Variants in UBE2E2 observed in about 807,000 individuals in gnomAD.
UBE2E2 encodes ubiquitin-conjugating enzyme E2 E2.
A neutral mutation model predicts 24.7 loss-of-function variants in UBE2E2; 6 were observed. The ratio of observed to expected loss-of-function variants is 0.24; its 90% CI spans 0.13 to 0.48. The LOEUF is 0.48. UBE2E2 is among the 20% of genes least tolerant of loss of function. The probability of loss-of-function intolerance (pLI) is 0.99; values close to 1 mark genes in which losing one functional copy is unlikely to be tolerated. For missense variants in UBE2E2, 169 were observed against 245.0 expected (o/e 0.69, Z 2.07); for synonymous variants, 104 against 83.6 (o/e 1.24, Z -1.33).
At chr3:23,492,643 T>A (rs897855616) in intron 3 of UBE2E2, among the ~76,000 whole-genome samples, 1 of 152,198 alleles carries the variant, frequency 6.6e-6, no homozygotes, top group African/African-American at 2.4e-5. Flanking sequence ...CCCCTTTGAC[T>A]TCTTCTAGTT....
At chr3:23,402,133 C>T (rs1004639537) in intron 3 of UBE2E2, among the ~76,000 whole-genome samples, 3 of 152,120 alleles carry the variant, frequency 2.0e-5, no homozygotes, top group Non-Finnish European at 1.5e-5. Context: ...GGATTACAGG[C>T]GTGAGCCACC....
chr3:23,476,549 A>G (rs778490), intron 3 of UBE2E2, among the ~76,000 whole-genome samples: 55,864 of 151,816 alleles, frequency 0.37, 10,981 homozygotes, highest in African/African-American at 0.49. Context: ...TTAAAAATTA[A>G]TGGGGTCTGG....
chr3:23,455,534 A>C (rs1179888268), intron 3 of UBE2E2, among the ~76,000 whole-genome samples: 1 of 152,068 alleles, frequency 6.6e-6, no homozygotes, highest in Non-Finnish European at 1.5e-5. Flanking sequence ...CCTGGTCAAC[A>C]TAATGAGACC....
In UBE2E2 at chr3:23,407,616, CAT is replaced by C. The variant is rs1458783499; in HGVS notation, c.228-91991_228-91990del. ...TTGTATGTTTGTTTTGGGAGGAGTGCATGTGTGTGTGTTTGTGTGTGCATGCG... is the reference window on the plus strand; with the variant it reads ...TTGTATGTTTGTTTTGGGAGGAGTGCGTGTGTGTGTTTGTGTGTGCATGCG... On this transcript the variant is annotated intron_variant, in intron 3 of 5. Transcript: ENST00000396703. The surrounding 1 kb of genome is among the most constrained non-coding windows in gnomAD (Gnocchi z 4.0). Among the ~76,000 whole-genome samples, 4 of 143,860 alleles carry C rather than the reference CAT, an allele frequency of 2.8e-5. No individual in the cohort carries two copies. The highest frequency in any genetic ancestry group is 5.2e-5 in the African/African-American group (2 of 38,458). 94.4% of individuals were successfully genotyped at this position (143,860 alleles called of 152,430 possible).
intron 3 of UBE2E2, among the ~76,000 whole-genome samples, chr3:23,325,221 T>G (rs999362565): frequency 4.6e-5 from 7 of 150,894 alleles, no homozygotes; most frequent in African/African-American, 1.7e-4. Context: ...CTATTGTGTG[T>G]TTTTTTTTCC....
intron 3 of UBE2E2, among the ~76,000 whole-genome samples, chr3:23,281,774 C>T (rs1698495240): frequency 6.6e-6 from 1 of 152,016 alleles, no homozygotes; most frequent in South Asian, 2.1e-4. Flanking sequence ...ATTTCATTCG[C>T]AGTAATATTA....
rs942715882 is a variant in UBE2E2, at chr3:23,590,737, C to T, written c.*906C>T. ...AGTTGCTTAGCATGTGGAATTTCTC[C>T]AGCTGTCAGTAGCCTGATGATTTTA... On this transcript the variant is annotated 3_prime_UTR_variant, in exon 6 of 6. Transcript: ENST00000396703. 2.6e-5 allele frequency: 4 copies of T among 152,186 alleles called. No homozygotes were observed. The highest frequency in any genetic ancestry group is 9.7e-5 in the African/African-American group (4 of 41,448). 9.4% of individuals were successfully genotyped at this position (152,186 alleles called of 1,614,324 possible).
chr3:23,228,616 T>C (rs965247501), intron 3 of UBE2E2, among the ~76,000 whole-genome samples: 2 of 152,016 alleles, frequency 1.3e-5, no homozygotes, highest in Non-Finnish European at 1.5e-5. Flanking sequence ...TTTAAGACAG[T>C]GTAAAATTTG....
At chr3:23,305,443 T>G (rs1374198407) in intron 3 of UBE2E2, among the ~76,000 whole-genome samples, 4 of 152,220 alleles carry the variant, frequency 2.6e-5, no homozygotes, top group African/African-American at 9.6e-5. Flanking sequence ...TAACTGCAGT[T>G]AGTACAGTTT....
At chr3:23,452,034 G>T (rs1698571413) in intron 3 of UBE2E2, among the ~76,000 whole-genome samples, 1 of 152,182 alleles carries the variant, frequency 6.6e-6, no homozygotes, top group Non-Finnish European at 1.5e-5. Context: ...GAAAAGGTTG[G>T]TGGTGAGTTT....
intron 3 of UBE2E2, among the ~76,000 whole-genome samples, chr3:23,357,438 C>T (rs774701057): frequency 2.0e-5 from 3 of 152,022 alleles, no homozygotes; most frequent in Admixed American, 2.0e-4. Context: ...TCTGCATACA[C>T]ATAAATGAGA....
At chr3:23,415,951 G>T (rs1241500157) in intron 3 of UBE2E2, among the ~76,000 whole-genome samples, 1 of 151,796 alleles carries the variant, frequency 6.6e-6, no homozygotes, top group African/African-American at 2.4e-5. Flanking sequence ...GTGTCCATGT[G>T]TTCTCATTGT....
At chr3:23,265,997 T>G (rs1698037493) in intron 3 of UBE2E2, among the ~76,000 whole-genome samples, 2 of 152,240 alleles carry the variant, frequency 1.3e-5, no homozygotes. Context: ...TCCATTTGCT[T>G]GGTAGATCTT....
intron 3 of UBE2E2, chr3:23,271,172 T>A: frequency 2.4e-6 from 1 of 409,054 alleles, no homozygotes; most frequent in Non-Finnish European, 4.8e-6. Flanking sequence ...GTGTCTGGAA[T>A]TGGTGGGTTC....
Position 23,591,254 on chromosome 3 carries a change from A to G in UBE2E2, c.*1423A>G, listed in dbSNP as rs1419698598. The stretch of plus-strand genomic sequence containing the variant: ...GCTGCACCATACAGTTACAGACCCT[A>G]CCATACTCTTGGTCTCATTTAAGGA... On this transcript the variant is annotated 3_prime_UTR_variant, in exon 6 of 6. Transcript: ENST00000396703. The G allele has an allele frequency of 6.6e-6, 1 of 152,218 alleles. No homozygotes were observed. Among genetic ancestry groups the G allele is most frequent in the South Asian group, 2.1e-4 (1 of 4,828 alleles). 9.4% of individuals were successfully genotyped at this position (152,218 alleles called of 1,614,324 possible). A position where few individuals can be genotyped will look rare whatever the true frequency, so the allele number is the denominator to read the frequency against.
At chr3:23,505,319 C>G (rs909235425) in intron 4 of UBE2E2, among the ~76,000 whole-genome samples, 3 of 152,068 alleles carry the variant, frequency 2.0e-5, no homozygotes, top group Admixed American at 6.5e-5. Context: ...AGGGGTAACG[C>G]ATTTTTAATT....
chr3:23,313,948 C>T (rs908606316), intron 3 of UBE2E2, among the ~76,000 whole-genome samples: 8 of 152,000 alleles, frequency 5.3e-5, no homozygotes, highest in Non-Finnish European at 1.2e-4. Context: ...TTGAGGTTAC[C>T]ATGAGGCTTG....
chr3:23,441,909 A>C (rs1353685229), intron 3 of UBE2E2, among the ~76,000 whole-genome samples: 1 of 152,162 alleles, frequency 6.6e-6, no homozygotes, highest in Admixed American at 6.5e-5. Flanking sequence ...ACTTATATTC[A>C]AAGACGTTTC....
At chr3:23,385,664 C>G (rs1169345258) in intron 3 of UBE2E2, among the ~76,000 whole-genome samples, 1 of 152,166 alleles carries the variant, frequency 6.6e-6, no homozygotes, top group Non-Finnish European at 1.5e-5. Flanking sequence ...CTGTTTTGAT[C>G]AGCTTCTTGA....
Sources: gnomAD v4.1 joint callset for allele counts (sites outside exome capture counted in the v4.1 genomes callset) on GRCh38, gnomAD v4.1.1 for gene constraint, Gnocchi (gnomAD v3.1) non-coding constraint, MANE v1.5 for transcripts, NCBI Gene and HGNC (gene_info 2026-07-23, HGNC 2026-07-21) for gene names.